The following OPRL1 variants were observed in gnomAD, a reference collection of about 807,000 sequenced individuals.
OPRL1 encodes the protein opioid related nociceptin receptor 1, also known as nociceptin receptor.
OPRL1 carries 5 observed loss-of-function variants against 15.5 expected under a neutral mutation model. The ratio of observed to expected loss-of-function variants is 0.32; its 90% CI spans 0.17 to 0.68. OPRL1 has a LOEUF of 0.68. Ranked by LOEUF, OPRL1 falls within the 30% of genes least tolerant of loss-of-function variation. OPRL1 has a pLI of 0.72. For missense variants in OPRL1, 406 were observed against 515.3 expected (o/e 0.79, Z 2.05); for synonymous variants, 223 against 230.2 (o/e 0.97, Z 0.28).
Position 64,083,819 on chromosome 20 carries a change from C to A in OPRL1, c.-185+3467C>A, listed in dbSNP as rs1013714559. ...TGCCCTCCGACCCCCTCGCCTCACC[C>A]GCATGCGGGTGTAGCGCAGCCGCAG... On this transcript the variant is annotated intron_variant, in intron 1 of 4. Transcript: ENST00000336866. The surrounding 1 kb of genome is among the most constrained non-coding windows in gnomAD (Gnocchi z 4.9). 3 of 1,360,028 alleles carry A rather than the reference C, an allele frequency of 2.2e-6. No individual in the cohort carries two copies. The highest frequency in any genetic ancestry group is 3.5e-5 in the South Asian group (2 of 57,598). The allele number at this position is 1,360,028 out of a possible 1,614,324, so 84.2% of individuals were successfully genotyped here.
intron 4 of OPRL1, 28 bp downstream of exon 4, chr20:64,098,185 A>T: frequency 6.2e-7 from 1 of 1,606,176 alleles, no homozygotes. Flanking sequence ...TCCTCCCCTC[A>T]CCAGGCTCCC....
At chr20:64,084,020 T>G in intron 1 of OPRL1, 1 of 1,503,052 alleles carries the variant, frequency 6.7e-7, no homozygotes, top group Non-Finnish European at 8.8e-7. Context: ...CTCCAGCAGG[T>G]CGCCGAAGAG....
At position 64,097,752 on chromosome 20, in the gene OPRL1, G is replaced by A. The variant is rs1484811924; in HGVS notation, c.234-50G>A. 7 of 1,545,898 alleles carry A rather than the reference G, an allele frequency of 4.5e-6. No homozygotes were observed. The highest frequency in any genetic ancestry group is 3.5e-5 in the South Asian group (3 of 84,912). On this transcript the variant is annotated intron_variant, in intron 3 of 4. Coordinates refer to ENST00000336866, the MANE Select transcript of OPRL1 (RefSeq NM_182647.4). This position sits in a 1 kb window ranked among gnomAD's most constrained non-coding sequence, Gnocchi z 4.2. ...GGAGCCCCTTGCCCTTTGCTGCCTG[G>A]TCCAGCCAGCATGGCCAAGTGAAGC...
chr20:64,083,328 C>T lies in OPRL1; in HGVS notation c.-185+2976C>T. ...TGGGAGAGGCAGCGTCCATACTCCCCGCTTCCCTCGGGGTCCTGGGGAGTG... is the reference window on the plus strand; with the variant it reads ...TGGGAGAGGCAGCGTCCATACTCCCTGCTTCCCTCGGGGTCCTGGGGAGTG... On this transcript the variant is annotated intron_variant, in intron 1 of 4. Transcript: ENST00000336866. This position sits in a 1 kb window ranked among gnomAD's most constrained non-coding sequence, Gnocchi z 4.9. 2 of 1,534,548 alleles carry T rather than the reference C, an allele frequency of 1.3e-6. No homozygotes were observed. The highest frequency in any genetic ancestry group is 1.7e-4 in the Middle Eastern group (1 of 5,900).
chr20:64,098,468 T>A lies in OPRL1; in HGVS notation c.782T>A (p.Ile261Asn). The A allele has an allele frequency of 6.2e-7, 1 of 1,613,300 alleles. No homozygotes were observed. Among genetic ancestry groups the A allele is most frequent in the South Asian group, 1.1e-5 (1 of 91,070 alleles). The stretch of plus-strand genomic sequence containing the variant: ...GAGAAGGACCGGAACCTGCGGCGCA[T>A]CACTCGGCTGGTGCTGGTGGTAGTG... ...SREKDRNLRR[I>N]TRLVLVVVAV... is the part of the protein sequence containing the mutation. The change falls in exon 5 of 5, where the codon ATC (isoleucine) becomes AAC (asparagine). Residue 261 changes from isoleucine (I) to asparagine (N), a missense_variant. Coordinates refer to ENST00000336866, the MANE Select transcript of OPRL1 (RefSeq NM_182647.4).
At chr20:64,084,272 C>G in intron 1 of OPRL1, 2 of 1,329,096 alleles carry the variant, frequency 1.5e-6, no homozygotes, top group Non-Finnish European at 1.9e-6. Context: ...GGGCTGGCAC[C>G]GGGCCCTGCC....
rs2060094928 is a variant in OPRL1 at position 64,089,065 on chromosome 20, T to G, written c.-184-2901T>G. Among the ~76,000 whole-genome samples the G allele has an allele frequency of 1.9e-5, 1 of 52,768 alleles. No homozygotes were observed. The highest frequency in any genetic ancestry group is 2.6e-4 in the Admixed American group (1 of 3,830). 34.6% of individuals were successfully genotyped at this position (52,768 alleles called of 152,430 possible). On this transcript the variant is annotated intron_variant, in intron 1 of 4. Coordinates refer to ENST00000336866, the MANE Select transcript of OPRL1 (RefSeq NM_182647.4). The surrounding 1 kb of genome is among the most constrained non-coding windows in gnomAD (Gnocchi z 5.5). ...GTCTGTACCGTGGGCTAGGGGTCTATGTGGGTGGGGGGCAGGTTCTGCGCA... is the reference window on the plus strand; with the variant it reads ...GTCTGTACCGTGGGCTAGGGGTCTAGGTGGGTGGGGGGCAGGTTCTGCGCA...
rs531574217 is a variant in OPRL1, at chr20:64,097,339, C to T, written c.234-463C>T. On this transcript the variant is annotated intron_variant, in intron 3 of 4. Transcript: ENST00000336866. This position sits in a 1 kb window ranked among gnomAD's most constrained non-coding sequence, Gnocchi z 4.2. ...GGACTTGGAAGCCTTTTGATATGTTCTTACAGATTCTGGAGCCCTCAGAAA... is the reference window on the plus strand; with the variant it reads ...GGACTTGGAAGCCTTTTGATATGTTTTTACAGATTCTGGAGCCCTCAGAAA... Among the ~76,000 whole-genome samples the T allele has an allele frequency of 6.6e-6, 1 of 152,174 alleles. No individual in the cohort carries two copies. Among genetic ancestry groups the T allele is most frequent in the South Asian group, 2.1e-4 (1 of 4,812 alleles).
Position 64,097,940 on chromosome 20 carries a change from G to C in OPRL1, c.372G>C (p.Lys124Asn). Residue 124 changes from lysine (K) to asparagine (N), a missense_variant, in exon 4 of 5, where the codon AAG (lysine) becomes AAC (asparagine). Physicochemically the swap from Lys to Asn is moderately conservative, Grantham distance 94 (BLOSUM62 0). Transcript: ENST00000336866. This position sits in a 1 kb window ranked among gnomAD's most constrained non-coding sequence, Gnocchi z 4.2. ...GGCCGTTTGGGAATGCGCTGTGCAA[G>C]ACAGTCATTGCCATTGACTACTACA... is the stretch of plus-strand genomic sequence containing the variant. Reference protein sequence around the residue: ...GFWPFGNALCKTVIAIDYYNM... With the variant: ...GFWPFGNALCNTVIAIDYYNM... 1 of 1,613,732 alleles carries C rather than the reference G, an allele frequency of 6.2e-7. No individual in the cohort carries two copies. Among genetic ancestry groups the C allele is most frequent in the South Asian group, 1.1e-5 (1 of 91,088 alleles).
At chr20:64,098,190 G>A in intron 4 of OPRL1, 33 bp downstream of exon 4, 1 of 1,605,078 alleles carries the variant, frequency 6.2e-7, no homozygotes, top group Admixed American at 1.7e-5. Flanking sequence ...CCCTCACCAG[G>A]CTCCCTGGCT....
rs140843647 is a variant in OPRL1, at chr20:64,080,687, T to G, written c.-185+335T>G. On this transcript the variant is annotated intron_variant, in intron 1 of 4. Transcript: ENST00000336866. ...GTGGGTTAGGCTTCTCATCGCAGCA[T>G]GCTTTGGCCCTGTGTCAGGGTGGCC... is the stretch of plus-strand genomic sequence containing the variant. Among the ~76,000 whole-genome samples the G allele has an allele frequency of 9.2e-5, 14 of 152,296 alleles. No individual in the cohort carries two copies. The South Asian group carries it at 1.0e-3, about 11-fold the overall frequency.
At chr20:64,084,623 C>A (rs532465285) in intron 1 of OPRL1, among the ~76,000 whole-genome samples, 1 of 152,334 alleles carries the variant, frequency 6.6e-6, no homozygotes, top group East Asian at 1.9e-4. Context: ...CCTATGTCTG[C>A]GGTCCCCGAC....
chr20:64,087,817 C>T (rs887720133), intron 1 of OPRL1, among the ~76,000 whole-genome samples: 4 of 152,252 alleles, frequency 2.6e-5, no homozygotes, highest in Non-Finnish European at 5.9e-5. Flanking sequence ...TACCTTCCCC[C>T]TTCTGGAGGG....
intron 3 of OPRL1, among the ~76,000 whole-genome samples, chr20:64,096,688 G>A (rs926668438): frequency 4.0e-5 from 6 of 151,778 alleles, no homozygotes; most frequent in Non-Finnish European, 7.4e-5. Context: ...CAATATCGCC[G>A]CCACCATCAT....
At chr20:64,087,766 T>C (rs993380748) in intron 1 of OPRL1, among the ~76,000 whole-genome samples, 5 of 152,274 alleles carry the variant, frequency 3.3e-5, no homozygotes, top group South Asian at 4.1e-4. Flanking sequence ...CCTCTTGCTA[T>C]CTCTTGTGTA....
rs776164910 is a variant in OPRL1, at chr20:64,080,220, C to T, written c.-317C>T. 3 of 152,354 alleles carry T rather than the reference C, an allele frequency of 2.0e-5. No homozygotes were observed. The highest frequency in any genetic ancestry group is 6.5e-5 in the Admixed American group (1 of 15,288). 9.4% of individuals were successfully genotyped at this position (152,354 alleles called of 1,614,324 possible). On this transcript the variant is annotated 5_prime_UTR_variant, in exon 1 of 5. Coordinates refer to ENST00000336866, the MANE Select transcript of OPRL1 (RefSeq NM_182647.4). ...GGGGGTGTGGCCGTGGCCCCCGACTCTGCTCGGCGGGGCCGTTCCTGCTTT... is the reference window on the plus strand; with the variant it reads ...GGGGGTGTGGCCGTGGCCCCCGACTTTGCTCGGCGGGGCCGTTCCTGCTTT...
intron 3 of OPRL1, among the ~76,000 whole-genome samples, chr20:64,095,945 T>C (rs1417080783): frequency 6.6e-6 from 1 of 152,086 alleles, no homozygotes; most frequent in African/African-American, 2.4e-5. Flanking sequence ...TATGTGTGTG[T>C]ACATGTGTGT....
chr20:64,086,962 C>A (rs2060059539), intron 1 of OPRL1, among the ~76,000 whole-genome samples: 1 of 152,164 alleles, frequency 6.6e-6, no homozygotes, highest in South Asian at 2.1e-4. Flanking sequence ...CTGGCGTTTG[C>A]TGATTCTGAG....
intron 3 of OPRL1, 76 bp downstream of exon 3, chr20:64,093,029 C>G: frequency 7.8e-7 from 1 of 1,287,078 alleles, no homozygotes; most frequent in Non-Finnish European, 1.1e-6. Flanking sequence ...GGGGTCTGTT[C>G]TGGATGGGCC....
Sources: allele counts gnomAD v4.1 joint callset (sites outside exome capture counted in the v4.1 genomes callset), GRCh38; gene constraint gnomAD v4.1.1; non-coding constraint Gnocchi (gnomAD v3.1); transcripts MANE v1.5; gene names NCBI Gene and HGNC (gene_info 2026-07-23, HGNC 2026-07-21).